RNF11: variants seen among roughly 807,000 people sequenced by gnomAD.
The protein encoded by RNF11 is ring finger protein 11.
Under a neutral mutation model 15.8 loss-of-function variants are expected in RNF11, and 4 were observed. That is an observed-to-expected ratio of 0.25 (90% CI 0.12 to 0.58). The LOEUF (loss-of-function observed/expected upper bound fraction) is 0.58. Among genes scored for constraint, RNF11 ranks in the 20% least tolerant of loss-of-function variants. RNF11 has a pLI of 0.91. For missense variants in RNF11, 139 were observed against 194.4 expected, an observed-to-expected ratio of 0.71 and a Z score of 1.70; for synonymous variants, 68 against 72.3, an observed-to-expected ratio of 0.94 and a Z score of 0.30.
intron 1 of RNF11, among the ~76,000 whole-genome samples, chr1:51,269,755 A>C (rs1646970096): frequency 6.6e-6 from 1 of 152,206 alleles, no homozygotes; most frequent in Non-Finnish European, 1.5e-5. Flanking sequence ...TCCTTTAGGC[A>C]GAATGAGAAT....
At chr1:51,249,522 A>G (rs1030615703) in intron 1 of RNF11, among the ~76,000 whole-genome samples, 4 of 152,224 alleles carry the variant, frequency 2.6e-5, no homozygotes, top group Non-Finnish European at 4.4e-5. Flanking sequence ...TTCCAAAGGT[A>G]ACTGTTGGTC....
rs987291788 is a variant in RNF11 at position 51,250,597 on chromosome 1, C to G, written c.123+13718C>G. ...CGCTTTATTTTCCTTGTCTAAAAAC[C>G]CTATGTTGTAGCCACAGCTGGAGCC... On this transcript the variant is annotated intron_variant, in intron 1 of 2. Transcript: ENST00000242719. The G allele has an allele frequency of 2.9e-5, 19 of 661,956 alleles. No homozygotes were observed. The African/African-American group carries it at 3.4e-4, about 12-fold the overall frequency. The allele number at this position is 661,956 out of a possible 1,614,324, so 41.0% of individuals were successfully genotyped here.
At chr1:51,248,283 T>C (rs1461721231) in intron 1 of RNF11, among the ~76,000 whole-genome samples, 1 of 151,400 alleles carries the variant, frequency 6.6e-6, no homozygotes, top group Non-Finnish European at 1.5e-5. Flanking sequence ...TCTTGGCTCA[T>C]TGCAACCTCT....
intron 1 of RNF11, among the ~76,000 whole-genome samples, chr1:51,238,450 T>C (rs1025419752): frequency 4.6e-5 from 7 of 152,204 alleles, no homozygotes; most frequent in Non-Finnish European, 8.8e-5. Flanking sequence ...AACTGGGAGA[T>C]AAATTACGAG....
chr1:51,243,840 G>A (rs1001318689), intron 1 of RNF11, among the ~76,000 whole-genome samples: 7 of 152,174 alleles, frequency 4.6e-5, no homozygotes, highest in South Asian at 4.1e-4. Context: ...TCATAGCCTT[G>A]TGCTTTCTTT....
Position 51,237,422 on chromosome 1 carries a change from G to GTATA in RNF11, c.123+544_123+545insATAT, listed in dbSNP as rs771390565. On this transcript the variant is annotated intron_variant, in intron 1 of 2. Coordinates refer to ENST00000242719, the MANE Select transcript of RNF11 (RefSeq NM_014372.5). ...GCGACATCGAGTTACTTGTGTGTGT[G>GTATA]TGTATATATATATATATGTGTATAT... Among the ~76,000 whole-genome samples the GTATA allele has an allele frequency of 8.7e-3, 1,244 of 143,614 alleles. 9 individuals are homozygous for GTATA. The highest frequency in any genetic ancestry group is 0.016 in the Admixed American group (224 of 14,030). 94.2% of individuals were successfully genotyped at this position (143,614 alleles called of 152,430 possible). A position where few individuals can be genotyped will look rare whatever the true frequency, so the allele number is the denominator to read the frequency against.
At chr1:51,239,268 T>G (rs1328894812) in intron 1 of RNF11, among the ~76,000 whole-genome samples, 4 of 152,194 alleles carry the variant, frequency 2.6e-5, no homozygotes, top group South Asian at 4.1e-4. Context: ...GTGTTTGCCT[T>G]TTCCAGAAGA....
chr1:51,250,868 A>G, intron 1 of RNF11: 1 of 1,073,278 alleles, frequency 9.3e-7, no homozygotes, highest in Non-Finnish European at 1.4e-6. Flanking sequence ...GTGCGGAGAC[A>G]ATGCCAGTGC....
chr1:51,266,042 T>A (rs1646953205), intron 1 of RNF11: 1 of 152,082 alleles, frequency 6.6e-6, no homozygotes, highest in Non-Finnish European at 1.5e-5. Context: ...AGATAGGTAT[T>A]TTGTCTGTTA....
chr1:51,248,679 G>T (rs1225617733), intron 1 of RNF11, among the ~76,000 whole-genome samples: 2 of 152,142 alleles, frequency 1.3e-5, no homozygotes, highest in African/African-American at 4.8e-5. Flanking sequence ...TTTTGAAGTT[G>T]TGTGATCAGT....
chr1:51,268,373 G>T (rs1470261744), intron 1 of RNF11, among the ~76,000 whole-genome samples: 1 of 152,102 alleles, frequency 6.6e-6, no homozygotes, highest in Admixed American at 6.5e-5. Flanking sequence ...TATAGAGAGG[G>T]TTCCTTTGTT....
At position 51,273,383 on chromosome 1, in the gene RNF11, A is replaced by G. The variant is rs1646989226; in HGVS notation, c.*2061A>G. 6.6e-6 allele frequency: 1 copy of G among 152,182 alleles called. No homozygotes were observed. Among genetic ancestry groups the G allele is most frequent in the Non-Finnish European group, 1.5e-5 (1 of 68,014 alleles). The allele number at this position is 152,182 out of a possible 1,614,324, so 9.4% of individuals were successfully genotyped here. A position where few individuals can be genotyped will look rare whatever the true frequency, so the allele number is the denominator to read the frequency against. On this transcript the variant is annotated 3_prime_UTR_variant, in exon 3 of 3. Coordinates refer to ENST00000242719, the MANE Select transcript of RNF11 (RefSeq NM_014372.5). ...AGGCACTTTATATTCTCAACATACA[A>G]TGTTAAGAACCATCAATTTTGACTT...
intron 1 of RNF11, among the ~76,000 whole-genome samples, chr1:51,268,507 T>C (rs1385473535): frequency 1.3e-5 from 2 of 152,228 alleles, no homozygotes; most frequent in Non-Finnish European, 2.9e-5. Context: ...TCTGTTCTGC[T>C]TTCTGTGTTC....
chr1:51,238,710 A>G (rs1646815992), intron 1 of RNF11, among the ~76,000 whole-genome samples: 1 of 152,004 alleles, frequency 6.6e-6, no homozygotes, highest in African/African-American at 2.4e-5. Context: ...TGTTTACTAT[A>G]CAACAAAAGT....
chr1:51,254,773 A>G (rs1646896872), intron 1 of RNF11, among the ~76,000 whole-genome samples: 1 of 151,926 alleles, frequency 6.6e-6, no homozygotes, highest in Admixed American at 6.6e-5. Context: ...ATTTTTTTGT[A>G]TTTTTGTAAA....
intron 1 of RNF11, among the ~76,000 whole-genome samples, chr1:51,240,425 TG>T (rs1646823353): frequency 6.6e-6 from 1 of 152,154 alleles, no homozygotes; most frequent in Non-Finnish European, 1.5e-5. Flanking sequence ...CCTAATAACC[TG>T]GAAGTCCCTC....
intron 1 of RNF11, among the ~76,000 whole-genome samples, chr1:51,251,830 G>A (rs1204226136): frequency 1.3e-5 from 2 of 152,084 alleles, no homozygotes; most frequent in Non-Finnish European, 2.9e-5. Flanking sequence ...TGTAATCTCA[G>A]CACTTTGGGA....
At chr1:51,256,254 G>C (rs1646903824) in intron 1 of RNF11, among the ~76,000 whole-genome samples, 1 of 152,138 alleles carries the variant, frequency 6.6e-6, no homozygotes, top group African/African-American at 2.4e-5. Context: ...GACAACCACT[G>C]ATGGTTCTAT....
At chr1:51,259,587 C>G (rs1437449185) in intron 1 of RNF11, among the ~76,000 whole-genome samples, 1 of 152,172 alleles carries the variant, frequency 6.6e-6, no homozygotes, top group Admixed American at 6.5e-5. Context: ...AAATCTCTTA[C>G]ATGTTATAGA....
Sources: gnomAD v4.1 joint callset for allele counts (sites outside exome capture counted in the v4.1 genomes callset) on GRCh38, gnomAD v4.1.1 for gene constraint, MANE v1.5 for transcripts, NCBI Gene and HGNC (gene_info 2026-07-23, HGNC 2026-07-21) for gene names.